ZNF844: variants seen among roughly 807,000 people sequenced by gnomAD.
The protein encoded by ZNF844 is zinc finger protein 844.
Under a neutral mutation model 11.4 loss-of-function variants are expected in ZNF844, and 11 were observed. The observed-to-expected ratio is 0.97, with a 90% CI of 0.61 to 1.60. The LOEUF (loss-of-function observed/expected upper bound fraction) is 1.60, where lower values mean the gene tolerates loss of function less well. Ranked by LOEUF, ZNF844 falls within the 40% of genes most tolerant of loss-of-function variation. The pLI is 0.00. For synonymous variants in ZNF844, 248 were observed against 260.3 expected (o/e 0.95, Z 0.46); for missense variants, 790 against 796.8 (o/e 0.99, Z 0.10).
intron 1 of ZNF844, among the ~76,000 whole-genome samples, chr19:12,073,394 G>A (rs556452666): frequency 3.3e-5 from 5 of 152,140 alleles, no homozygotes; most frequent in Non-Finnish European, 5.9e-5. Flanking sequence ...GATCTCAAGC[G>A]ATCCGCACGC....
Position 12,076,990 on chromosome 19 carries a change from A to G in ZNF844, c.1870A>G (p.Ile624Val), listed in dbSNP as rs766145280. Residue 624 changes from isoleucine to valine, a missense_variant, in exon 4 of 4, where the codon ATT (isoleucine) becomes GTT (valine). By Grantham distance (29) the Ile-to-Val change is conservative. Around this residue, in one of 3 missense-constraint regions of ZNF844, gnomAD observed 657 missense variants for 636.2 expected, o/e 1.03. Transcript: ENST00000439326. ...TGTAAGGAATGCGGAAAAGCGTTCAATTATTTTTCTTCTTTGCGTATACAC... is the reference window on the plus strand; with the variant it reads ...TGTAAGGAATGCGGAAAAGCGTTCAGTTATTTTTCTTCTTTGCGTATACAC... Reference protein sequence around the residue: ...MNVRNAEKRSIIFLLCVYTKG... With the variant: ...MNVRNAEKRSVIFLLCVYTKG... The G allele has an allele frequency of 1.1e-5, 17 of 1,599,498 alleles. No homozygotes were observed. Among genetic ancestry groups the G allele is most frequent in the African/African-American group, 6.7e-5 (5 of 74,078 alleles).
Position 12,077,024 on chromosome 19 carries a change from G to A in ZNF844, c.1904G>A (p.Cys635Tyr). 1 of 1,594,398 alleles carries A rather than the reference G, an allele frequency of 6.3e-7. No individual in the cohort carries two copies. The highest frequency in any genetic ancestry group is 8.5e-7 in the Non-Finnish European group (1 of 1,169,764). Residue 635 changes from cysteine (C) to tyrosine (Y), a missense_variant, in exon 4 of 4, where the codon TGC becomes TAC. Cys to Tyr is a radical substitution (Grantham distance 194). Around this residue, in one of 3 missense-constraint regions of ZNF844, gnomAD observed 657 missense variants for 636.2 expected, o/e 1.03. Coordinates refer to ENST00000439326, the MANE Select transcript of ZNF844 (RefSeq NM_001136501.3). ...CTTCTTTGCGTATACACAAAAGGATGCACACTGGAGAGAAACCATATTAAT... is the reference window on the plus strand; with the variant it reads ...CTTCTTTGCGTATACACAAAAGGATACACACTGGAGAGAAACCATATTAAT... Reference protein sequence around the residue: ...IFLLCVYTKGCTLERNHINVR... With the variant: ...IFLLCVYTKGYTLERNHINVR...
In ZNF844 at chr19:12,074,035, T is replaced by C. The variant is rs2145546525; in HGVS notation, c.8T>C (p.Leu3Ser). The change falls in exon 2 of 4, where the codon TTG becomes TCG. Residue 3 changes from leucine to serine, a missense_variant. Around this residue, in one of 3 missense-constraint regions of ZNF844, gnomAD observed 129 missense variants for 144.0 expected, o/e 0.90. Transcript: ENST00000439326. ...TATACATGTGGGATGTTTCAGGACTTGGTGGCTTTCGAGGATGTGGCTGTG... is the reference window on the plus strand; with the variant it reads ...TATACATGTGGGATGTTTCAGGACTCGGTGGCTTTCGAGGATGTGGCTGTG... Reference protein sequence around the residue: MDLVAFEDVAVNF... With the variant: MDSVAFEDVAVNF... 6.2e-7 allele frequency: 1 copy of C among 1,612,520 alleles called. No individual in the cohort carries two copies. Among genetic ancestry groups the C allele is most frequent in the Non-Finnish European group, 8.5e-7 (1 of 1,179,070 alleles).
chr19:12,072,795 G>A (rs1464577721), intron 1 of ZNF844, among the ~76,000 whole-genome samples: 1 of 152,008 alleles, frequency 6.6e-6, no homozygotes, highest in African/African-American at 2.4e-5. Context: ...ATGTTGACCA[G>A]GCTGGTCTTG....
At position 12,075,522 on chromosome 19, in the gene ZNF844, G is replaced by A. The variant is rs768662351; in HGVS notation, c.402G>A (p.Gln134=). ...CTGCACACAAGCCGTCTGAGTATCA[G>A]GAATATGGACAGGAGCCATATAAGT... is the stretch of plus-strand genomic sequence containing the variant. The part of the protein sequence containing the change: ...ADTAHKPSEY[Q]EYGQEPYKCQ... Residue 134 remains glutamine (Q), a synonymous_variant, in exon 4 of 4, where the codon CAG becomes CAA. Transcript: ENST00000439326. 8.1e-6 allele frequency: 13 copies of A among 1,613,896 alleles called. No homozygotes were observed. The highest frequency in any genetic ancestry group is 9.3e-6 in the Non-Finnish European group (11 of 1,179,952).
chr19:12,071,436 G>T (rs1348963763), intron 1 of ZNF844, among the ~76,000 whole-genome samples: 2 of 152,202 alleles, frequency 1.3e-5, no homozygotes. Context: ...CAGCTTTAAA[G>T]AGTATGCTTG....
At chr19:12,067,600 T>TC (rs1354191072) in intron 1 of ZNF844, among the ~76,000 whole-genome samples, 3 of 88,398 alleles carry the variant, frequency 3.4e-5, no homozygotes, top group Non-Finnish European at 6.3e-5. Context: ...AGAGTGAAAC[T>TC]CTGTCTCAAA....
chr19:12,067,805 A>T (rs796604365), intron 1 of ZNF844, among the ~76,000 whole-genome samples: 1 of 151,048 alleles, frequency 6.6e-6, no homozygotes, highest in East Asian at 2.0e-4. Flanking sequence ...AGTCCCAGCT[A>T]TCAGAGAGGC....
At chr19:12,068,939 G>T (rs891738200) in intron 1 of ZNF844, among the ~76,000 whole-genome samples, 1 of 152,016 alleles carries the variant, frequency 6.6e-6, no homozygotes, top group South Asian at 2.1e-4. Context: ...TTCTTGCTGG[G>T]GAGCCTCTCC....
intron 3 of ZNF844, 148 bp from the exon 4 acceptor site, chr19:12,075,164 T>A: frequency 4.6e-6 from 2 of 436,770 alleles, no homozygotes; most frequent in African/African-American, 4.1e-5. Context: ...GTAACAAACC[T>A]GCACGTTGTG....
rs756118304 is a variant in ZNF844 at position 12,076,661 on chromosome 19, A to G, written c.1541A>G (p.His514Arg). Reference sequence around the variant, plus strand: ...GTAAGCAATGTGGGAAAGCCTTCACATCTGCCTCACACCTTCAAATGCATG... The same window carrying G: ...GTAAGCAATGTGGGAAAGCCTTCACGTCTGCCTCACACCTTCAAATGCATG... ...MSVSNVGKPSHLPHTFKCMKG... is the reference protein window; with the variant it reads ...MSVSNVGKPSRLPHTFKCMKG... The change falls in exon 4 of 4, where the codon CAT (histidine) becomes CGT (arginine). Residue 514 changes from histidine (H) to arginine (R), a missense_variant. This residue lies in a region of ZNF844 where 657 missense variants were observed against 636.2 expected (regional missense o/e 1.03). Coordinates refer to ENST00000439326, the MANE Select transcript of ZNF844 (RefSeq NM_001136501.3). 1.6e-5 allele frequency: 25 copies of G among 1,612,646 alleles called. No homozygotes were observed. The South Asian group carries it at 2.5e-4, about 16-fold the overall frequency.
At chr19:12,073,768 C>T (rs1975777054) in intron 1 of ZNF844, among the ~76,000 whole-genome samples, 2 of 152,166 alleles carry the variant, frequency 1.3e-5, no homozygotes, top group Non-Finnish European at 1.5e-5. Flanking sequence ...AAGAGCAGCC[C>T]AGGCAGCGCA....
rs1261752979 is a variant in ZNF844 at position 12,076,843 on chromosome 19, T to G, written c.1723T>G (p.Tyr575Asp). The G allele has an allele frequency of 1.3e-6, 2 of 1,560,894 alleles. No individual in the cohort carries two copies. The highest frequency in any genetic ancestry group is 2.7e-5 in the African/African-American group (2 of 73,042). The change falls in exon 4 of 4, where the codon TAC becomes GAC. Residue 575 changes from tyrosine (Y) to aspartate (D), a missense_variant. Coordinates refer to ENST00000439326, the MANE Select transcript of ZNF844 (RefSeq NM_001136501.3). The stretch of plus-strand genomic sequence containing the variant: ...TTCAACAATTTCTCTTCCTTTCAAA[T>G]ACATGCAACAATGCACAGAGGACAG... Reference protein sequence around the residue: ...KHSTISLPFKYMQQCTEDRMP... With the variant: ...KHSTISLPFKDMQQCTEDRMP...
At chr19:12,065,331 T>A (rs749253110) in intron 1 of ZNF844, among the ~76,000 whole-genome samples, 16 of 151,898 alleles carry the variant, frequency 1.1e-4, no homozygotes, top group Non-Finnish European at 2.2e-4. Flanking sequence ...GCGCCTGGCC[T>A]AGCGTGGAGA....
Position 12,080,346 on chromosome 19 carries a change from C to CAAAA in ZNF844, c.*3242_*3245dup, listed in dbSNP as rs61413798. 612 of 172,672 alleles carry CAAAA rather than the reference C, an allele frequency of 3.5e-3. No individual in the cohort carries two copies. Among genetic ancestry groups the CAAAA allele is most frequent in the South Asian group, 6.4e-3 (153 of 23,752 alleles). 10.7% of individuals were successfully genotyped at this position (172,672 alleles called of 1,614,324 possible). A position where few individuals can be genotyped will look rare whatever the true frequency, so the allele number is the denominator to read the frequency against. ...GCGGCGACAGAGCAAGACTCCGTCT[C>CAAAA]AAAAAAAAAAAAAAAAAAAAGAGAA... On this transcript the variant is annotated 3_prime_UTR_variant, in exon 4 of 4. Transcript: ENST00000439326.
In ZNF844 at chr19:12,075,868, G is replaced by A. The variant is rs796840623; in HGVS notation, c.748G>A (p.Glu250Lys). 7 of 1,611,780 alleles carry A rather than the reference G, an allele frequency of 4.3e-6. No individual in the cohort carries two copies. In the African/African-American group the frequency reaches 8.0e-5, roughly 18 times the overall value. The change falls in exon 4 of 4, where the codon GAG becomes AAG. Residue 250 changes from glutamate to lysine, a missense_variant. By Grantham distance (56) the Glu-to-Lys change is moderately conservative. This residue lies in a region of ZNF844 where 657 missense variants were observed against 636.2 expected (regional missense o/e 1.03). Coordinates refer to ENST00000439326, the MANE Select transcript of ZNF844 (RefSeq NM_001136501.3). ...AATACATGAAAGAACTCACACTGGA[G>A]AGAAGCCTTATGAATGTAAGGAATG... is the stretch of plus-strand genomic sequence containing the variant. ...LQIHERTHTGEKPYECKECGK... is the reference protein window; with the variant it reads ...LQIHERTHTGKKPYECKECGK...
chr19:12,073,380 T>C lies in ZNF844; in HGVS notation c.4-651T>C, dbSNP rs1448231895. ...CTCCATGTTGAGGCTGGTCTCGAAC[T>C]CCTGATCTCAAGCGATCCGCACGCC... On this transcript the variant is annotated intron_variant, in intron 1 of 3. Transcript: ENST00000439326. Among the ~76,000 whole-genome samples the C allele has an allele frequency of 4.6e-5, 7 of 152,224 alleles. No individual in the cohort carries two copies. In the East Asian group the frequency reaches 1.4e-3, roughly 29 times the overall value.
At chr19:12,066,117 G>C (rs1055997106) in intron 1 of ZNF844, among the ~76,000 whole-genome samples, 4 of 151,674 alleles carry the variant, frequency 2.6e-5, no homozygotes, top group Admixed American at 2.6e-4. Flanking sequence ...GTAGAGATGG[G>C]GTTTCGCCAT....
rs149533668 is a variant in ZNF844, at chr19:12,071,649, T to C, written c.4-2382T>C. 2.0e-5 allele frequency among the ~76,000 whole-genome samples: 3 copies of C among 152,134 alleles called. No individual in the cohort carries two copies. The East Asian group carries it at 5.8e-4, about 29-fold the overall frequency. On this transcript the variant is annotated intron_variant, in intron 1 of 3. Coordinates refer to ENST00000439326, the MANE Select transcript of ZNF844 (RefSeq NM_001136501.3). ...AGCTTCTTGGCCCTTTTCATATATCTTGCAGGAATGTCATTCAGATACTTT... is the reference window on the plus strand; with the variant it reads ...AGCTTCTTGGCCCTTTTCATATATCCTGCAGGAATGTCATTCAGATACTTT...
Sources: gnomAD v4.1 joint callset for allele counts (sites outside exome capture counted in the v4.1 genomes callset) on GRCh38, gnomAD v4.1.1 for gene constraint, gnomAD v4.1.1 regional missense constraint, MANE v1.5 for transcripts, NCBI Gene and HGNC (gene_info 2026-07-23, HGNC 2026-07-21) for gene names.